SNED1: variants seen among roughly 807,000 people sequenced by gnomAD.
The protein encoded by SNED1 is sushi, nidogen and EGF-like domain-containing protein 1.
A neutral mutation model predicts 166.7 loss-of-function variants in SNED1; 81 were observed. That is an observed-to-expected ratio of 0.49 (90% confidence interval 0.41 to 0.58). The LOEUF (loss-of-function observed/expected upper bound fraction) is 0.58, where lower values mean the gene tolerates loss of function less well. Ranked by LOEUF, SNED1 falls within the 20% of genes least tolerant of loss-of-function variation. The pLI is 0.00. For missense variants in SNED1, 1,604 were observed against 2,000.2 expected, an observed-to-expected ratio of 0.80 and a Z score of 3.78; for synonymous variants, 762 against 822.0, an observed-to-expected ratio of 0.93 and a Z score of 1.25.
In SNED1 at chr2:241,067,803, C is replaced by T. The variant is rs2062525404; in HGVS notation, c.3050C>T (p.Thr1017Met). The T allele has an allele frequency of 6.2e-6, 10 of 1,612,462 alleles. No individual in the cohort carries two copies. Among genetic ancestry groups the T allele is most frequent in the South Asian group, 2.2e-5 (2 of 91,046 alleles). ...PVEGFEVTNVTASTISVQWAL... is the reference protein window; with the variant it reads ...PVEGFEVTNVMASTISVQWAL... ...GAAGGCTTCGAGGTCACCAATGTGACGGCTAGCACCATCTCAGTGCAGTGG... is the reference window on the plus strand; with the variant it reads ...GAAGGCTTCGAGGTCACCAATGTGATGGCTAGCACCATCTCAGTGCAGTGG... Residue 1017 changes from threonine (T) to methionine (M), a missense_variant, in exon 22 of 32, where the codon ACG becomes ATG. Physicochemically the swap from Thr to Met is moderately conservative, Grantham distance 81 (BLOSUM62 -1). Transcript: ENST00000310397.
rs1020991682 is a variant in SNED1, at chr2:241,073,235, C to T, written c.3818-31C>T. 28 of 1,506,306 alleles carry T rather than the reference C, an allele frequency of 1.9e-5. No individual in the cohort carries two copies. Among genetic ancestry groups the T allele is most frequent in the African/African-American group, 1.2e-4 (9 of 72,146 alleles). 93.3% of individuals were successfully genotyped at this position (1,506,306 alleles called of 1,614,324 possible). On this transcript the variant is annotated intron_variant, in intron 26 of 31. Coordinates refer to ENST00000310397, the MANE Select transcript of SNED1 (RefSeq NM_001080437.3). The surrounding 1 kb of genome is among the most constrained non-coding windows in gnomAD (Gnocchi z 6.6). ...GACCATCCCGGGTGCAAAGCAGCTGCGCCGTGTGGTCACCGCCTGGCTTCT... is the reference window on the plus strand; with the variant it reads ...GACCATCCCGGGTGCAAAGCAGCTGTGCCGTGTGGTCACCGCCTGGCTTCT...
intron 2 of SNED1, among the ~76,000 whole-genome samples, chr2:241,033,281 G>T (rs1000028502): frequency 2.0e-5 from 3 of 152,160 alleles, no homozygotes; most frequent in Non-Finnish European, 2.9e-5. Context: ...TCTGTACGCT[G>T]CCTGCCAATA....
intron 31 of SNED1, chr2:241,089,391 T>C (rs1420223416): frequency 1.9e-6 from 3 of 1,550,396 alleles, no homozygotes; most frequent in East Asian, 2.4e-5. Flanking sequence ...AGAAATGTCA[T>C]TCAGGAACCT....
At position 241,070,011 on chromosome 2, in the gene SNED1, G is replaced by T. The variant is rs2062630635; in HGVS notation, c.3399G>T (p.Leu1133=). 7 of 1,613,030 alleles carry T rather than the reference G, an allele frequency of 4.3e-6. No individual in the cohort carries two copies. The highest frequency in any genetic ancestry group is 5.9e-6 in the Non-Finnish European group (7 of 1,179,902). ...ATGCCCCGACTCCAGGCAGCTTGCT[G>T]GAGGCTTATGTCATCAATGTGACCA... is the stretch of plus-strand genomic sequence containing the variant. ...VWDAPTPGSL[L]EAYVINVTTS... Residue 1133 remains leucine (L), a synonymous_variant, in exon 24 of 32, where the codon CTG becomes CTT. Coordinates refer to ENST00000310397, the MANE Select transcript of SNED1 (RefSeq NM_001080437.3).
chr2:241,071,300 T>C (rs1485845891), intron 24 of SNED1: 3 of 544,016 alleles, frequency 5.5e-6, no homozygotes, highest in Non-Finnish European at 9.9e-6. Context: ...GGCAGGGGCC[T>C]AGACTCAGCC....
At chr2:241,066,593 TG>T (rs1406447754) in intron 21 of SNED1, among the ~76,000 whole-genome samples, 1 of 146,008 alleles carries the variant, frequency 6.8e-6, no homozygotes, top group African/African-American at 2.5e-5. Flanking sequence ...GAGGAAAAGG[TG>T]CTGAGAGCAC....
chr2:241,039,016 C>G (rs889799090), intron 6 of SNED1, among the ~76,000 whole-genome samples: 6 of 152,224 alleles, frequency 3.9e-5, no homozygotes, highest in Admixed American at 6.5e-5. Flanking sequence ...GGGTCTGCAG[C>G]ATGTCAGTTG....
chr2:241,069,355 A>T lies in SNED1; in HGVS notation c.3307+332A>T, dbSNP rs770825003. On this transcript the variant is annotated intron_variant, in intron 23 of 31. Transcript: ENST00000310397. The surrounding 1 kb of genome is among the most constrained non-coding windows in gnomAD (Gnocchi z 4.9). ...CTATCCAGGGCCCTTGTACCTTGCA[A>T]CCAGCCCCCTCTAGCTAAGCTCCCT... Among the ~76,000 whole-genome samples, 2 of 152,128 alleles carry T rather than the reference A, an allele frequency of 1.3e-5. No homozygotes were observed. Among genetic ancestry groups the T allele is most frequent in the African/African-American group, 4.8e-5 (2 of 41,408 alleles).
rs1304842956 is a variant in SNED1, at chr2:241,013,359, G to A, written c.213+14309G>A. 6.6e-6 allele frequency among the ~76,000 whole-genome samples: 1 copy of A among 152,128 alleles called. No individual in the cohort carries two copies. Among genetic ancestry groups the A allele is most frequent in the African/African-American group, 2.4e-5 (1 of 41,400 alleles). On this transcript the variant is annotated intron_variant, in intron 1 of 31. Coordinates refer to ENST00000310397, the MANE Select transcript of SNED1 (RefSeq NM_001080437.3). This position sits in a 1 kb window ranked among gnomAD's most constrained non-coding sequence, Gnocchi z 4.6. ...TCTCACTCTGTCACCAGGCTGGAGT[G>A]CAGTGGCCTGAGCCTAGCTCACTGT... is the stretch of plus-strand genomic sequence containing the variant.
intron 18 of SNED1, 41 bp from the exon 19 acceptor site, chr2:241,063,971 C>A: frequency 2.1e-6 from 3 of 1,409,672 alleles, no homozygotes; most frequent in East Asian, 2.5e-5. Context: ...CCCCCAGACT[C>A]CCCCCTTGCA....
intron 9 of SNED1, 72 bp downstream of exon 9, chr2:241,048,512 G>A (rs996546313): frequency 1.3e-6 from 2 of 1,527,208 alleles, no homozygotes; most frequent in East Asian, 4.7e-5. Flanking sequence ...TCCTGTGGGT[G>A]CATGCAGGAA....
At chr2:241,007,037 G>A (rs537307050) in intron 1 of SNED1, among the ~76,000 whole-genome samples, 8 of 152,346 alleles carry the variant, frequency 5.3e-5, no homozygotes, top group African/African-American at 1.7e-4. Context: ...GGAGAAATCC[G>A]TGGCTTCACA....
intron 18 of SNED1, 57 bp downstream of exon 18, chr2:241,063,757 A>G: frequency 7.8e-7 from 1 of 1,281,586 alleles, no homozygotes. Context: ...GGAAGATCAG[A>G]GAGGAGGTGG....
intron 1 of SNED1, among the ~76,000 whole-genome samples, chr2:241,021,313 T>C (rs1458261433): frequency 6.6e-6 from 1 of 152,230 alleles, no homozygotes; most frequent in Non-Finnish European, 1.5e-5. Context: ...ACCATGCAGT[T>C]CACTCTTTTA....
chr2:241,067,265 CG>C (rs1406122939), intron 21 of SNED1, among the ~76,000 whole-genome samples: 5 of 152,234 alleles, frequency 3.3e-5, no homozygotes, highest in African/African-American at 1.2e-4. Flanking sequence ...ACTGGAGCTT[CG>C]GAGGAGACTG....
At position 241,014,103 on chromosome 2, in the gene SNED1, G is replaced by A. The variant is rs2060499767; in HGVS notation, c.213+15053G>A. Among the ~76,000 whole-genome samples the A allele has an allele frequency of 2.0e-5, 3 of 152,094 alleles. No homozygotes were observed. In the South Asian group the frequency reaches 6.2e-4, roughly 32 times the overall value. ...AGTTCACTGCAACCTCTGCCTCCCA[G>A]GTTCAAGTGATTCTTGTGCCTCAGC... On this transcript the variant is annotated intron_variant, in intron 1 of 31. Transcript: ENST00000310397.
intron 29 of SNED1, among the ~76,000 whole-genome samples, chr2:241,083,399 A>T (rs2125312611): frequency 6.9e-6 from 1 of 144,672 alleles, no homozygotes; most frequent in East Asian, 2.1e-4. Flanking sequence ...AATGGGGAGG[A>T]GCTACTGAAG....
intron 9 of SNED1, 24 bp from the exon 10 acceptor site, chr2:241,048,638 G>T: frequency 5.0e-6 from 8 of 1,586,060 alleles, no homozygotes; most frequent in Non-Finnish European, 6.9e-6. Context: ...CCACATGGGA[G>T]GCTCCTCCCT....
chr2:241,064,000 G>A lies in SNED1; in HGVS notation c.2486-12G>A, dbSNP rs2062333205. 1 of 1,545,034 alleles carries A rather than the reference G, an allele frequency of 6.5e-7. No homozygotes were observed. Among genetic ancestry groups the A allele is most frequent in the Non-Finnish European group, 8.8e-7 (1 of 1,141,938 alleles). On this transcript the variant is annotated splice_polypyrimidine_tract_variant and intron_variant, in intron 18 of 31. Transcript: ENST00000310397. ...CCTTGCAGCTTGGGCCCACTCTCTG[G>A]GTGTTCTCCAGAGGTGGACGCCTGC...
Sources: allele counts gnomAD v4.1 joint callset (sites outside exome capture counted in the v4.1 genomes callset), GRCh38; gene constraint gnomAD v4.1.1; non-coding constraint Gnocchi (gnomAD v3.1); transcripts MANE v1.5; gene names NCBI Gene and HGNC (gene_info 2026-07-23, HGNC 2026-07-21).